PCTP: variants seen among roughly 807,000 people sequenced by gnomAD.
The protein encoded by PCTP is START domain-containing protein 2.
A neutral mutation model predicts 31.0 loss-of-function variants in PCTP; 27 were observed. That is an observed-to-expected ratio of 0.87 (90% CI 0.64 to 1.20). The LOEUF (loss-of-function observed/expected upper bound fraction) is 1.20, where lower values mean the gene tolerates loss of function less well. Ranked by LOEUF, PCTP falls within the 50% of genes most tolerant of loss-of-function variation. The pLI, the probability that PCTP is intolerant of heterozygous loss-of-function variation, is 0.00. For synonymous variants in PCTP, 108 were observed against 101.2 expected (o/e 1.07, Z -0.40); for missense variants, 287 against 268.2 (o/e 1.07, Z -0.49).
downstream of PCTP, among the ~76,000 whole-genome samples, chr17:55,779,502 CT>C (rs144743813): frequency 0.012 from 1,822 of 152,206 alleles, 21 homozygotes; most frequent in Non-Finnish European, 0.02. Context: ...GCCAGTGTGG[CT>C]GGAGCGCTGA....
chr17:55,832,467 C>T (rs773674201), intron 5 of PCTP, among the ~76,000 whole-genome samples: 94 of 152,176 alleles, frequency 6.2e-4, no homozygotes, highest in Non-Finnish European at 1.1e-3. Context: ...TCTCCTTTCA[C>T]CTCTACTCCC....
At chr17:55,808,488 A>C (rs1398751098) in intron 3 of PCTP, among the ~76,000 whole-genome samples, 1 of 152,242 alleles carries the variant, frequency 6.6e-6, no homozygotes, top group Non-Finnish European at 1.5e-5. Flanking sequence ...TCTGGCAAAT[A>C]ATATGCATTT....
downstream of PCTP, among the ~76,000 whole-genome samples, chr17:55,780,671 G>A (rs976520243): frequency 1.3e-5 from 2 of 152,166 alleles, no homozygotes; most frequent in Admixed American, 6.5e-5. Flanking sequence ...CTTAGTTGTT[G>A]TGTTATTGTA....
chr17:55,754,017 A>G (rs745340695), intron 1 of PCTP, among the ~76,000 whole-genome samples: 4 of 152,180 alleles, frequency 2.6e-5, no homozygotes, highest in Non-Finnish European at 4.4e-5. Context: ...CATTATCTCA[A>G]CATCACCAAC....
chr17:55,775,190 C>T (rs1597989496), intron 5 of PCTP: 1 of 1,268,832 alleles, frequency 7.9e-7, no homozygotes, highest in African/African-American at 1.5e-5. Flanking sequence ...CTATATTCCT[C>T]TGCTTACTGG....
chr17:55,800,697 C>A (rs1215125415), intron 3 of PCTP, among the ~76,000 whole-genome samples: 2 of 152,110 alleles, frequency 1.3e-5, no homozygotes, highest in African/African-American at 2.4e-5. Flanking sequence ...AGAAACATTT[C>A]ATCAAAACCT....
chr17:55,787,437 T>A (rs1454422756), intron 2 of PCTP: 1 of 152,000 alleles, frequency 6.6e-6, no homozygotes, highest in Admixed American at 6.6e-5. Context: ...CACTGCAAAC[T>A]TCACCTCCTG....
intron 2 of PCTP, among the ~76,000 whole-genome samples, chr17:55,767,728 G>C (rs530402926): frequency 6.8e-6 from 1 of 147,414 alleles, no homozygotes; most frequent in East Asian, 2.0e-4. Flanking sequence ...GCCTCCCAAA[G>C]TGCTAGGATT....
At chr17:55,829,500 G>C (rs1337723149) in intron 5 of PCTP, among the ~76,000 whole-genome samples, 3 of 152,114 alleles carry the variant, frequency 2.0e-5, no homozygotes, top group Non-Finnish European at 2.9e-5. Context: ...TAGAGATGGG[G>C]TTTCAAACTC....
intron 3 of PCTP, among the ~76,000 whole-genome samples, chr17:55,806,617 A>G (rs1912589556): frequency 6.6e-6 from 1 of 152,144 alleles, no homozygotes; most frequent in Non-Finnish European, 1.5e-5. Context: ...GAATTCTCTC[A>G]AGTTTCAAGT....
At chr17:55,815,863 C>T (rs1489888365) in intron 3 of PCTP, among the ~76,000 whole-genome samples, 1 of 152,132 alleles carries the variant, frequency 6.6e-6, no homozygotes, top group Non-Finnish European at 1.5e-5. Context: ...TCTGCTCCTA[C>T]CCTCAGAGAC....
intron 1 of PCTP, among the ~76,000 whole-genome samples, chr17:55,757,255 CAT>C (rs146716506): frequency 0.033 from 4,933 of 149,734 alleles, 285 homozygotes; most frequent in African/African-American, 0.11. Context: ...CATATATACA[CAT>C]ATATGTGTAT....
chr17:55,773,961 G>A, intron 4 of PCTP, 66 bp downstream of exon 4: 1 of 1,488,790 alleles, frequency 6.7e-7, no homozygotes, highest in Middle Eastern at 1.8e-4. Flanking sequence ...CAGGCTGATG[G>A]GGGGACATGT....
chr17:55,769,985 T>G (rs904282018), intron 2 of PCTP: 2 of 152,198 alleles, frequency 1.3e-5, no homozygotes, highest in Admixed American at 6.5e-5. Flanking sequence ...GCACACTCCT[T>G]AATCTACAGT....
At chr17:55,821,955 A>G (rs955790262) in intron 3 of PCTP, among the ~76,000 whole-genome samples, 3 of 152,192 alleles carry the variant, frequency 2.0e-5, no homozygotes, top group African/African-American at 4.8e-5. Flanking sequence ...ATGGGGTGGC[A>G]AGGAATCTAT....
At chr17:55,844,163 T>C (rs1906072317), downstream of PCTP, among the ~76,000 whole-genome samples, 1 of 152,228 alleles carries the variant, frequency 6.6e-6, no homozygotes, top group African/African-American at 2.4e-5. Context: ...AATGGAATTA[T>C]CACCTTGTAA....
At position 55,773,945 on chromosome 17, in the gene PCTP, G is replaced by A. The variant is rs192289980; in HGVS notation, c.511+50G>A. The stretch of plus-strand genomic sequence containing the variant: ...GCACCCAGCCAGGGGTCCCCCACGG[G>A]AGGGCCAGGCTGATGGGGGGACATG... On this transcript the variant is annotated intron_variant, in intron 4 of 5. Transcript: ENST00000268896. The A allele has an allele frequency of 2.2e-4, 340 of 1,527,334 alleles. No homozygotes were observed. The African/African-American group carries it at 3.9e-3, about 18-fold the overall frequency. The allele number at this position is 1,527,334 out of a possible 1,614,324, so 94.6% of individuals were successfully genotyped here.
At chr17:55,809,600 G>A (rs1912684860) in intron 3 of PCTP, among the ~76,000 whole-genome samples, 1 of 148,904 alleles carries the variant, frequency 6.7e-6, no homozygotes, top group Non-Finnish European at 1.5e-5. Context: ...TCAACTCACT[G>A]CAACCTCCGC....
Position 55,785,156 on chromosome 17 carries a change from G to A in PCTP, c.229-2410G>A, listed in dbSNP as rs554187374. On this transcript the variant is annotated intron_variant, in intron 2 of 3. Transcript: ENST00000572536. ...TTAAATTGTAAAATACTCTGCCTTC[G>A]TCCATTCTTGCTCACTTTCTCTGTC... Among the ~76,000 whole-genome samples the A allele has an allele frequency of 2.0e-3, 311 of 152,228 alleles. 2 individuals carry two copies. Among genetic ancestry groups the A allele is most frequent in the Non-Finnish European group, 3.4e-3 (232 of 68,038 alleles).
Sources: allele counts gnomAD v4.1 joint callset (sites outside exome capture counted in the v4.1 genomes callset), GRCh38; gene constraint gnomAD v4.1.1; transcripts MANE v1.5; gene names NCBI Gene and HGNC (gene_info 2026-07-23, HGNC 2026-07-21).